Variants in PDE7B observed in about 807,000 individuals in gnomAD.
PDE7B encodes 3',5'-cyclic-AMP phosphodiesterase 7B.
A neutral mutation model predicts 56.2 loss-of-function variants in PDE7B; 29 were observed. That is an observed-to-expected ratio of 0.52 (90% CI 0.38 to 0.70). The LOEUF is 0.70. PDE7B is among the 30% of genes least tolerant of loss of function. The pLI is 0.00. For missense variants in PDE7B, 490 were observed against 565.0 expected, an observed-to-expected ratio of 0.87 and a Z score of 1.35; for synonymous variants, 197 against 196.9, an observed-to-expected ratio of 1.00 and a Z score of 0.00.
intron 1 of PDE7B, among the ~76,000 whole-genome samples, chr6:135,877,240 T>C (rs919707734): frequency 6.6e-6 from 1 of 152,052 alleles, no homozygotes; most frequent in Non-Finnish European, 1.5e-5. Context: ...TCTTGATGGA[T>C]TTCCTTTCTT....
intron 1 of PDE7B, among the ~76,000 whole-genome samples, chr6:135,856,748 G>A (rs1299029984): frequency 1.1e-4 from 17 of 152,120 alleles, no homozygotes; most frequent in South Asian, 2.1e-4. Context: ...TAAAAACAAC[G>A]TAACAGAAAA....
chr6:136,114,098 A>G (rs1408003655), intron 3 of PDE7B, among the ~76,000 whole-genome samples: 1 of 152,228 alleles, frequency 6.6e-6, no homozygotes. Context: ...GCTTTGCAGT[A>G]GTAGGTTAAT....
intron 2 of PDE7B, among the ~76,000 whole-genome samples, chr6:136,007,239 T>G (rs1335598436): frequency 6.6e-6 from 1 of 152,190 alleles, no homozygotes; most frequent in Non-Finnish European, 1.5e-5. Context: ...TGAACAAACT[T>G]TGCATCCTGG....
intron 2 of PDE7B, among the ~76,000 whole-genome samples, chr6:136,097,765 A>C (rs568815734): frequency 6.6e-6 from 1 of 151,820 alleles, no homozygotes; most frequent in Non-Finnish European, 1.5e-5. Context: ...CTCCAGCCTC[A>C]TTTTGCACCG....
intron 1 of PDE7B, among the ~76,000 whole-genome samples, chr6:135,926,452 G>A (rs1035959179): frequency 6.6e-6 from 1 of 151,782 alleles, no homozygotes; most frequent in Admixed American, 6.6e-5. Context: ...ATGATTAGAG[G>A]ACAAAGGGTG....
intron 1 of PDE7B, among the ~76,000 whole-genome samples, chr6:135,883,980 G>A (rs572298523): frequency 7.2e-5 from 11 of 152,254 alleles, no homozygotes; most frequent in Middle Eastern, 3.4e-3. Context: ...TTTGTTTTGC[G>A]TTTGGTAGGA....
intron 2 of PDE7B, among the ~76,000 whole-genome samples, chr6:135,963,180 T>A (rs1405841862): frequency 6.6e-6 from 1 of 152,204 alleles, no homozygotes; most frequent in Non-Finnish European, 1.5e-5. Flanking sequence ...AGCCTGCCTC[T>A]GCCTCAGAGA....
At chr6:136,024,750 A>C (rs1776124123) in intron 2 of PDE7B, among the ~76,000 whole-genome samples, 1 of 152,232 alleles carries the variant, frequency 6.6e-6, no homozygotes, top group Non-Finnish European at 1.5e-5. Flanking sequence ...CAATTCGAGA[A>C]TAAAAGCAGT....
chr6:135,934,084 G>GT (rs1774345692), intron 1 of PDE7B, among the ~76,000 whole-genome samples: 1 of 152,108 alleles, frequency 6.6e-6, no homozygotes, highest in South Asian at 2.1e-4. Flanking sequence ...ATACTAGAGC[G>GT]TAAGTACTAA....
chr6:135,973,334 C>T (rs1775126873), intron 2 of PDE7B, among the ~76,000 whole-genome samples: 1 of 152,012 alleles, frequency 6.6e-6, no homozygotes, highest in African/African-American at 2.4e-5. Flanking sequence ...GAATAGTATT[C>T]CATTGTATGC....
chr6:136,112,807 G>A lies in PDE7B; in HGVS notation c.166+3993G>A, dbSNP rs182305151. Among the ~76,000 whole-genome samples the A allele has an allele frequency of 3.9e-5, 6 of 152,222 alleles. No individual in the cohort carries two copies. In the East Asian group the frequency reaches 1.2e-3, roughly 29 times the overall value. On this transcript the variant is annotated intron_variant, in intron 3 of 12. Transcript: ENST00000308191. ...CTGGAAGAGATTATTTTTGCGGGGAGGGGAAGCACATGTTTGGGGCAGAGG... is the reference window on the plus strand; with the variant it reads ...CTGGAAGAGATTATTTTTGCGGGGAAGGGAAGCACATGTTTGGGGCAGAGG...
chr6:135,939,639 G>T (rs1021538055), intron 1 of PDE7B, among the ~76,000 whole-genome samples: 1 of 152,150 alleles, frequency 6.6e-6, no homozygotes, highest in Non-Finnish European at 1.5e-5. Flanking sequence ...AAATGATGTG[G>T]CCCTGGGCCA....
chr6:135,922,895 G>A (rs1774112924), intron 1 of PDE7B, among the ~76,000 whole-genome samples: 1 of 152,156 alleles, frequency 6.6e-6, no homozygotes, highest in Non-Finnish European at 1.5e-5. Flanking sequence ...AAATTAAGAT[G>A]CAGTATGACT....
intron 2 of PDE7B, among the ~76,000 whole-genome samples, chr6:136,078,999 C>G (rs1478305328): frequency 2.0e-5 from 3 of 151,918 alleles, no homozygotes; most frequent in African/African-American, 7.3e-5. Flanking sequence ...GGGGTTATAC[C>G]CCTCATACTG....
At chr6:136,099,552 C>T (rs1264349547) in intron 2 of PDE7B, among the ~76,000 whole-genome samples, 1 of 152,008 alleles carries the variant, frequency 6.6e-6, no homozygotes, top group Non-Finnish European at 1.5e-5. Flanking sequence ...TTTCATATGT[C>T]TGTTGGCTGC....
intron 3 of PDE7B, among the ~76,000 whole-genome samples, chr6:136,130,657 C>A (rs977277860): frequency 6.6e-6 from 1 of 152,192 alleles, no homozygotes; most frequent in Non-Finnish European, 1.5e-5. Flanking sequence ...TCACCTTCCT[C>A]TGGGTAGTTG....
chr6:135,925,636 C>T (rs1050747534), intron 1 of PDE7B, among the ~76,000 whole-genome samples: 3 of 152,056 alleles, frequency 2.0e-5, no homozygotes, highest in Admixed American at 6.6e-5. Context: ...ATGAATACTG[C>T]GCATATTGTT....
intron 4 of PDE7B, among the ~76,000 whole-genome samples, 175 bp downstream of exon 4, chr6:136,147,677 T>TC (rs1778439786): frequency 6.6e-6 from 1 of 152,034 alleles, no homozygotes; most frequent in Non-Finnish European, 1.5e-5. Context: ...AACAGAAACA[T>TC]CCCCCTTATG....
chr6:135,884,995 A>G (rs1190760121), intron 1 of PDE7B, among the ~76,000 whole-genome samples: 2 of 152,092 alleles, frequency 1.3e-5, no homozygotes, highest in Non-Finnish European at 2.9e-5. Context: ...GCCCACATCA[A>G]CTCATGGAAA....
Sources: gnomAD v4.1 joint callset for allele counts (sites outside exome capture counted in the v4.1 genomes callset) on GRCh38, gnomAD v4.1.1 for gene constraint, MANE v1.5 for transcripts, NCBI Gene and HGNC (gene_info 2026-07-23, HGNC 2026-07-21) for gene names.